The following WWP2 variants were observed in gnomAD, a reference collection of about 807,000 sequenced individuals.
WWP2 encodes NEDD4-like E3 ubiquitin-protein ligase WWP2.
WWP2 carries 57 observed loss-of-function variants against 121.0 expected under a neutral mutation model. The ratio of observed to expected loss-of-function variants is 0.47; its 90% CI spans 0.38 to 0.59. The LOEUF is 0.59. WWP2 is among the 20% of genes least tolerant of loss of function. WWP2 has a pLI of 0.00. For missense variants in WWP2, 962 were observed against 1,158.9 expected (o/e 0.83, Z 2.47); for synonymous variants, 449 against 441.3 (o/e 1.02, Z -0.22).
At chr16:69,933,078 G>A (rs751546339) in intron 16 of WWP2, 3 of 503,846 alleles carry the variant, frequency 6.0e-6, no homozygotes, top group Non-Finnish European at 1.2e-5. Context: ...GCCGCGCCCT[G>A]TGTGTGTCTC....
intron 4 of WWP2, among the ~76,000 whole-genome samples, chr16:69,811,661 G>A (rs768780346): frequency 6.6e-6 from 1 of 152,148 alleles, no homozygotes; most frequent in Non-Finnish European, 1.5e-5. Flanking sequence ...GGCTGAGGTG[G>A]GAGGATCACT....
At chr16:69,770,354 C>T (rs1178741563) in intron 1 of WWP2, among the ~76,000 whole-genome samples, 1 of 152,108 alleles carries the variant, frequency 6.6e-6, no homozygotes, top group Non-Finnish European at 1.5e-5. Flanking sequence ...CTTAATTGAT[C>T]ATGCCTGCGT....
chr16:69,924,868 C>T, intron 10 of WWP2: 1 of 952,860 alleles, frequency 1.0e-6, no homozygotes, highest in Non-Finnish European at 1.2e-6. Flanking sequence ...GCTGCACACC[C>T]AGATGGGAGG....
At chr16:69,857,801 A>G (rs1375340235) in intron 6 of WWP2, among the ~76,000 whole-genome samples, 1 of 151,726 alleles carries the variant, frequency 6.6e-6, no homozygotes, top group Non-Finnish European at 1.5e-5. Context: ...AGCTGAGACT[A>G]CAGGTGTGCG....
chr16:69,824,422 G>A (rs2056647185), intron 4 of WWP2, among the ~76,000 whole-genome samples: 1 of 152,026 alleles, frequency 6.6e-6, no homozygotes, highest in Non-Finnish European at 1.5e-5. Flanking sequence ...TGACTTCAGT[G>A]CCTGGCCTGG....
At position 69,939,981 on chromosome 16, in the gene WWP2, C is replaced by G. The variant is rs1358722067; in HGVS notation, c.*41C>G. The G allele has an allele frequency of 9.1e-6, 14 of 1,546,612 alleles. No individual in the cohort carries two copies. Among genetic ancestry groups the G allele is most frequent in the Non-Finnish European group, 1.1e-5 (13 of 1,131,138 alleles). On this transcript the variant is annotated 3_prime_UTR_variant, in exon 24 of 24. Coordinates refer to ENST00000359154, the MANE Select transcript of WWP2 (RefSeq NM_001270454.2). ...CCACGCCCCCCAGCGCACATGTAGT[C>G]CTGAGTCCTCCCTGCCTGAGAGGCC...
In WWP2 at chr16:69,937,089, C is replaced by T; in HGVS notation, c.2118-29C>T. On this transcript the variant is annotated intron_variant, in intron 19 of 23. Transcript: ENST00000359154. The surrounding 1 kb of genome is among the most constrained non-coding windows in gnomAD (Gnocchi z 6.6). ...CCACCCCTGAGCAGTGGGTCTCAGACTCCACCCATGGCTGCTCTTTGGTCT... is the reference window on the plus strand; with the variant it reads ...CCACCCCTGAGCAGTGGGTCTCAGATTCCACCCATGGCTGCTCTTTGGTCT... 1 of 1,611,706 alleles carries T rather than the reference C, an allele frequency of 6.2e-7. No individual in the cohort carries two copies. Among genetic ancestry groups the T allele is most frequent in the South Asian group, 1.1e-5 (1 of 90,866 alleles).
At chr16:69,847,319 A>G (rs913317128) in intron 6 of WWP2, among the ~76,000 whole-genome samples, 1 of 151,922 alleles carries the variant, frequency 6.6e-6, no homozygotes, top group Non-Finnish European at 1.5e-5. Context: ...TCCTGACTTC[A>G]GGCGATCCAC....
At position 69,937,050 on chromosome 16, in the gene WWP2, G is replaced by A. The variant is rs941658084; in HGVS notation, c.2118-68G>A. 38 of 1,574,426 alleles carry A rather than the reference G, an allele frequency of 2.4e-5. No homozygotes were observed. Among genetic ancestry groups the A allele is most frequent in the African/African-American group, 1.8e-4 (13 of 73,982 alleles). ...TGGTCCTGCGCGGTAACGGCCACGC[G>A]GCCTGGCCGGGAGCCACCCCTGAGC... On this transcript the variant is annotated intron_variant, in intron 19 of 23. Transcript: ENST00000359154. This position sits in a 1 kb window ranked among gnomAD's most constrained non-coding sequence, Gnocchi z 6.6.
At chr16:69,914,512 CT>C (rs1258331313) in intron 9 of WWP2, among the ~76,000 whole-genome samples, 1 of 152,142 alleles carries the variant, frequency 6.6e-6, no homozygotes, top group African/African-American at 2.4e-5. Context: ...AATCCCAGCA[CT>C]TTGGGGGGCC....
chr16:69,823,691 C>T (rs932314820), intron 4 of WWP2, among the ~76,000 whole-genome samples: 1 of 152,208 alleles, frequency 6.6e-6, no homozygotes, highest in Non-Finnish European at 1.5e-5. Flanking sequence ...TGGCCTCGAA[C>T]TCCTGACCTC....
intron 6 of WWP2, among the ~76,000 whole-genome samples, chr16:69,862,122 A>G (rs1157415430): frequency 6.6e-6 from 1 of 152,114 alleles, no homozygotes; most frequent in Non-Finnish European, 1.5e-5. Context: ...CTGGAGTGCA[A>G]TGGTGTGATC....
rs61378072 is a variant in WWP2 at position 69,807,616 on chromosome 16, C to T, written c.340+8321C>T. 7.4e-5 allele frequency among the ~76,000 whole-genome samples: 3 copies of T among 40,770 alleles called. No homozygotes were observed. The Admixed American group carries it at 1.3e-3, about 18-fold the overall frequency. The allele number at this position is 40,770 out of a possible 152,430, so 26.7% of individuals were successfully genotyped here. ...CCTGGGTGACAGAGCAAGACCCTTT[C>T]TCCAAAAAAAAAAAAAAAAAAAAAA... On this transcript the variant is annotated intron_variant, in intron 4 of 23. Transcript: ENST00000359154.
chr16:69,845,597 C>T (rs2057058164), intron 6 of WWP2, among the ~76,000 whole-genome samples: 1 of 152,024 alleles, frequency 6.6e-6, no homozygotes, highest in Admixed American at 6.6e-5. Context: ...CTTTCCTCTC[C>T]TTCTTTCCTC....
At chr16:69,917,648 C>G in intron 9 of WWP2, 61 bp from the exon 10 acceptor site, 1 of 1,569,152 alleles carries the variant, frequency 6.4e-7, no homozygotes. Context: ...TGAGACTTTT[C>G]TAGAATTGGG....
chr16:69,791,790 G>A (rs2055917382), intron 2 of WWP2, among the ~76,000 whole-genome samples: 1 of 152,142 alleles, frequency 6.6e-6, no homozygotes, highest in African/African-American at 2.4e-5. Flanking sequence ...AAAGTGCTGG[G>A]ATTACAGGTG....
intron 6 of WWP2, 80 bp downstream of exon 6, chr16:69,842,200 C>T: frequency 2.2e-6 from 3 of 1,355,320 alleles, no homozygotes; most frequent in Non-Finnish European, 2.1e-6. Flanking sequence ...TGGCGGGGAA[C>T]ATTTTATGGT....
chr16:69,911,909 G>A (rs940607154), intron 9 of WWP2, among the ~76,000 whole-genome samples: 1 of 152,162 alleles, frequency 6.6e-6, no homozygotes, highest in Non-Finnish European at 1.5e-5. Context: ...TGCAGGATGA[G>A]GAATCCACCA....
rs142079872 is a variant in WWP2 at position 69,813,302 on chromosome 16, A to G, written c.340+14007A>G. Among the ~76,000 whole-genome samples, 1,089 of 152,002 alleles carry G rather than the reference A, an allele frequency of 7.2e-3. 13 individuals carry two copies. Among genetic ancestry groups the G allele is most frequent in the African/African-American group, 0.025 (1,044 of 41,462 alleles). ...CTTATCTTCCTGAGTAGCTGGGATTACAGGCATGTGCCACCACACCCAGCT... is the reference window on the plus strand; with the variant it reads ...CTTATCTTCCTGAGTAGCTGGGATTGCAGGCATGTGCCACCACACCCAGCT... On this transcript the variant is annotated intron_variant, in intron 4 of 23. Coordinates refer to ENST00000359154, the MANE Select transcript of WWP2 (RefSeq NM_001270454.2).
Sources: allele counts gnomAD v4.1 joint callset (sites outside exome capture counted in the v4.1 genomes callset), GRCh38; gene constraint gnomAD v4.1.1; non-coding constraint Gnocchi (gnomAD v3.1); transcripts MANE v1.5; gene names NCBI Gene and HGNC (gene_info 2026-07-23, HGNC 2026-07-21).